CDH13: variants seen among roughly 807,000 people sequenced by gnomAD.
The protein encoded by CDH13 is cadherin 13, also known as cadherin-13.
Under a neutral mutation model 63.8 loss-of-function variants are expected in CDH13, and 24 were observed. The observed-to-expected ratio is 0.38, with a 90% CI of 0.27 to 0.53. The LOEUF (loss-of-function observed/expected upper bound fraction) is 0.53. CDH13 is among the 20% of genes least tolerant of loss of function. CDH13 has a pLI of 0.85. For missense variants in CDH13, 1,049 were observed against 903.1 expected (o/e 1.16, Z -2.07); for synonymous variants, 503 against 355.3 (o/e 1.42, Z -4.67).
At chr16:82,780,531 C>G (rs1381270186) in intron 1 of CDH13, among the ~76,000 whole-genome samples, 1 of 151,724 alleles carries the variant, frequency 6.6e-6, no homozygotes. Context: ...CCAGGTGATG[C>G]TGACATTTTG....
Position 83,384,026 on chromosome 16 carries a change from A to G in CDH13, c.781+39020A>G, listed in dbSNP as rs141208242. ...CACATATATACACATGGGTACATCT[A>G]TATGTACTCATTTATACATGCTTGC... On this transcript the variant is annotated intron_variant, in intron 6 of 13. Coordinates refer to ENST00000567109, the MANE Select transcript of CDH13 (RefSeq NM_001257.5). 2.5e-3 allele frequency among the ~76,000 whole-genome samples: 381 copies of G among 152,306 alleles called. 1 individual carries two copies. Among genetic ancestry groups the G allele is most frequent in the African/African-American group, 8.8e-3 (367 of 41,554 alleles).
At chr16:83,420,941 A>C (rs909649955) in intron 6 of CDH13, among the ~76,000 whole-genome samples, 2 of 152,242 alleles carry the variant, frequency 1.3e-5, no homozygotes, top group Admixed American at 1.3e-4. Context: ...CGGAAGACCC[A>C]GCAAGCAAGG....
chr16:82,740,137 A>T (rs1481624884), intron 1 of CDH13, among the ~76,000 whole-genome samples: 2 of 152,102 alleles, frequency 1.3e-5, no homozygotes, highest in East Asian at 3.9e-4. Context: ...GGAGGCAACA[A>T]AGATGTAAAT....
At chr16:82,802,477 C>G (rs1171365705) in intron 1 of CDH13, among the ~76,000 whole-genome samples, 1 of 152,110 alleles carries the variant, frequency 6.6e-6, no homozygotes. Flanking sequence ...CAGAGGTTCT[C>G]CTTTTCTCTG....
chr16:82,938,088 A>T (rs9928761), intron 2 of CDH13, among the ~76,000 whole-genome samples: 46,413 of 152,134 alleles, frequency 0.31, 7,644 homozygotes, highest in African/African-American at 0.43. Flanking sequence ...AACACGCCAA[A>T]AAACGGAAAG....
chr16:82,727,076 C>T (rs926736647), intron 1 of CDH13, among the ~76,000 whole-genome samples: 14 of 152,236 alleles, frequency 9.2e-5, no homozygotes, highest in African/African-American at 2.9e-4. Flanking sequence ...TGTCATTTGG[C>T]AAGGGGATGA....
chr16:83,631,567 T>G (rs968968184), intron 8 of CDH13, among the ~76,000 whole-genome samples: 1 of 152,180 alleles, frequency 6.6e-6, no homozygotes, highest in South Asian at 2.1e-4. Flanking sequence ...AGTTACAGCT[T>G]GAGGTGGACA....
At chr16:82,677,529 T>C (rs994029166) in intron 1 of CDH13, among the ~76,000 whole-genome samples, 1 of 146,356 alleles carries the variant, frequency 6.8e-6, no homozygotes, top group Non-Finnish European at 1.5e-5. Flanking sequence ...AAGTAATTAA[T>C]AAATAACGAC....
At chr16:83,512,959 T>C (rs2074607990) in intron 7 of CDH13, among the ~76,000 whole-genome samples, 1 of 152,066 alleles carries the variant, frequency 6.6e-6, no homozygotes, top group South Asian at 2.1e-4. Context: ...TGCAAGCTTT[T>C]TAACCCTGGT....
At chr16:83,694,406 T>C (rs1905183290) in intron 10 of CDH13, among the ~76,000 whole-genome samples, 2 of 151,730 alleles carry the variant, frequency 1.3e-5, no homozygotes, top group Non-Finnish European at 2.9e-5. Flanking sequence ...AAAAGAGGGG[T>C]TGGGATGCTA....
intron 7 of CDH13, among the ~76,000 whole-genome samples, chr16:83,522,208 A>T (rs944061919): frequency 6.6e-6 from 1 of 152,080 alleles, no homozygotes; most frequent in Non-Finnish European, 1.5e-5. Flanking sequence ...CAGCCTCCAC[A>T]TGTTTATTGA....
chr16:82,715,171 A>G (rs866843863), intron 1 of CDH13, among the ~76,000 whole-genome samples: 6 of 151,682 alleles, frequency 4.0e-5, no homozygotes, highest in African/African-American at 1.4e-4. Flanking sequence ...AGCAAGCATC[A>G]TGAAGCACAT....
chr16:83,739,914 T>G (rs1833819048), intron 10 of CDH13: 1 of 152,212 alleles, frequency 6.6e-6, no homozygotes, highest in Admixed American at 6.6e-5. Context: ...CCCTTGGAGC[T>G]CACATTCTAA....
In CDH13 at chr16:83,271,433, A is replaced by T. The variant is rs1276397435; in HGVS notation, c.636+53936A>T. Among the ~76,000 whole-genome samples the T allele has an allele frequency of 1.2e-4, 16 of 128,476 alleles. 2 individuals are homozygous for T. The highest frequency in any genetic ancestry group is 6.9e-4 in the East Asian group (3 of 4,336). 84.3% of individuals were successfully genotyped at this position (128,476 alleles called of 152,430 possible). ...TGAGGCAGAGTTCATAAAAAAAAAA[A>T]AAAAAAAAAAAAAAAAAAATTCATG... On this transcript the variant is annotated intron_variant, in intron 5 of 13. Coordinates refer to ENST00000567109, the MANE Select transcript of CDH13 (RefSeq NM_001257.5).
intron 10 of CDH13, among the ~76,000 whole-genome samples, chr16:83,742,662 A>G (rs1010245527): frequency 5.3e-5 from 8 of 152,238 alleles, no homozygotes; most frequent in Admixed American, 5.2e-4. Context: ...CACGGAAGCC[A>G]GGAAGCGGGA....
chr16:83,175,603 G>C (rs1482492194), intron 4 of CDH13, among the ~76,000 whole-genome samples: 1 of 152,008 alleles, frequency 6.6e-6, no homozygotes, highest in Non-Finnish European at 1.5e-5. Flanking sequence ...CCTTAGTTTT[G>C]AGAATAGCCT....
chr16:83,789,823 T>C lies in CDH13; in HGVS notation c.2135-5200T>C, dbSNP rs1022383192. On this transcript the variant is annotated intron_variant, in intron 13 of 13. Transcript: ENST00000567109. ...CTGCCCATTTTTGTAAATAAAGTTT[T>C]ATTGGAACACAGCCGCGCCTATCAT... 3.3e-5 allele frequency: 5 copies of C among 152,164 alleles called. No homozygotes were observed. The South Asian group carries it at 6.2e-4, about 19-fold the overall frequency. The allele number at this position is 152,164 out of a possible 1,614,324, so 9.4% of individuals were successfully genotyped here. A position where few individuals can be genotyped will look rare whatever the true frequency, so the allele number is the denominator to read the frequency against.
chr16:82,867,151 C>T (rs1263427966), intron 2 of CDH13, among the ~76,000 whole-genome samples: 1 of 152,176 alleles, frequency 6.6e-6, no homozygotes, highest in African/African-American at 2.4e-5. Flanking sequence ...CAGGTGAGGA[C>T]ATTTAAGGCT....
intron 5 of CDH13, among the ~76,000 whole-genome samples, chr16:83,291,697 C>T (rs901060633): frequency 3.9e-5 from 6 of 151,926 alleles, no homozygotes; most frequent in African/African-American, 9.7e-5. Flanking sequence ...AACTCAAAAC[C>T]GGTGGAGATT....
Sources: allele counts gnomAD v4.1 joint callset (sites outside exome capture counted in the v4.1 genomes callset), GRCh38; gene constraint gnomAD v4.1.1; transcripts MANE v1.5; gene names NCBI Gene and HGNC (gene_info 2026-07-23, HGNC 2026-07-21).